The following SKAP2 variants were observed in gnomAD, a reference collection of about 807,000 sequenced individuals.
SKAP2 encodes src kinase-associated phosphoprotein 2.
A neutral mutation model predicts 54.9 loss-of-function variants in SKAP2; 28 were observed. That is an observed-to-expected ratio of 0.51 (90% confidence interval 0.38 to 0.70). The LOEUF (loss-of-function observed/expected upper bound fraction) is 0.70. Ranked by LOEUF, SKAP2 falls within the 30% of genes least tolerant of loss-of-function variation. SKAP2 has a pLI of 0.00. For synonymous variants in SKAP2, 137 were observed against 134.3 expected (o/e 1.02, Z -0.14); for missense variants, 356 against 424.1 (o/e 0.84, Z 1.41).
At chr7:26,764,945 G>A (rs1221217928) in intron 4 of SKAP2, among the ~76,000 whole-genome samples, 2 of 152,184 alleles carry the variant, frequency 1.3e-5, no homozygotes, top group Non-Finnish European at 2.9e-5. Context: ...AAACATACAT[G>A]TGCATGTGTC....
chr7:26,850,059 A>T (rs1785007159), intron 3 of SKAP2, among the ~76,000 whole-genome samples: 1 of 152,196 alleles, frequency 6.6e-6, no homozygotes, highest in African/African-American at 2.4e-5. Flanking sequence ...TATATACAGT[A>T]TTAGAAAATT....
chr7:26,857,310 TAAAAAA>T (rs59046895), intron 1 of SKAP2: 17 of 91,214 alleles, frequency 1.9e-4, no homozygotes, highest in South Asian at 1.2e-3. Flanking sequence ...CTGCTTTGCT[TAAAAAA>T]AAAAAAAAAA....
intron 3 of SKAP2, among the ~76,000 whole-genome samples, chr7:26,847,049 T>C (rs1784937998): frequency 6.6e-6 from 1 of 152,104 alleles, no homozygotes; most frequent in Non-Finnish European, 1.5e-5. Flanking sequence ...TGAAATTGTC[T>C]TCAACTTACC....
intron 11 of SKAP2, among the ~76,000 whole-genome samples, chr7:26,674,994 A>C (rs141060838): frequency 6.6e-6 from 1 of 152,162 alleles, no homozygotes; most frequent in Non-Finnish European, 1.5e-5. Context: ...TTTGGTATTC[A>C]GTGTATGGTA....
intron 4 of SKAP2, among the ~76,000 whole-genome samples, chr7:26,797,965 T>C (rs1247107985): frequency 6.6e-6 from 1 of 150,830 alleles, no homozygotes; most frequent in African/African-American, 2.4e-5. Context: ...AAGAAAGAAT[T>C]AGTGAGCTTG....
At chr7:26,672,194 C>T (rs1786257871) in intron 11 of SKAP2, among the ~76,000 whole-genome samples, 1 of 152,014 alleles carries the variant, frequency 6.6e-6, no homozygotes, top group South Asian at 2.1e-4. Flanking sequence ...ATTCAAATTA[C>T]AAGACAGAAA....
chr7:26,749,509 G>A (rs1037947693), intron 4 of SKAP2, among the ~76,000 whole-genome samples: 1 of 152,022 alleles, frequency 6.6e-6, no homozygotes, highest in African/African-American at 2.4e-5. Flanking sequence ...AGCACTTTGG[G>A]AGGCTGAGGC....
intron 4 of SKAP2, among the ~76,000 whole-genome samples, chr7:26,841,040 G>A (rs1231834850): frequency 6.6e-6 from 1 of 151,898 alleles, no homozygotes; most frequent in African/African-American, 2.4e-5. Flanking sequence ...AATCAATAAG[G>A]TACTTTTTTC....
chr7:26,792,821 G>C (rs1783698352), intron 4 of SKAP2, among the ~76,000 whole-genome samples: 1 of 152,116 alleles, frequency 6.6e-6, no homozygotes, highest in South Asian at 2.1e-4. Context: ...TAACTAAAAG[G>C]ATCTTTTACA....
In SKAP2 at chr7:26,864,578, C is replaced by T; in HGVS notation, c.-149G>A. ...CGGGACACTGCCGGGCCGGGGCTCA[C>T]AACAAGGAAGTCACTGAATCTCCAG... On this transcript the variant is annotated 5_prime_UTR_variant, in exon 1 of 13. The change creates a new upstream start codon in the 5' untranslated region. Transcript: ENST00000345317. The T allele has an allele frequency of 7.1e-7, 1 of 1,413,998 alleles. No individual in the cohort carries two copies. Among genetic ancestry groups the T allele is most frequent in the Non-Finnish European group, 9.2e-7 (1 of 1,085,440 alleles). 87.6% of individuals were successfully genotyped at this position (1,413,998 alleles called of 1,614,324 possible).
intron 3 of SKAP2, among the ~76,000 whole-genome samples, chr7:26,850,150 C>T (rs1375568886): frequency 6.6e-6 from 1 of 152,148 alleles, no homozygotes; most frequent in Non-Finnish European, 1.5e-5. Flanking sequence ...ACTAAGAGAC[C>T]TATGACCTTG....
At chr7:26,829,273 T>C (rs1387902627) in intron 4 of SKAP2, among the ~76,000 whole-genome samples, 2 of 152,124 alleles carry the variant, frequency 1.3e-5, no homozygotes, top group Non-Finnish European at 2.9e-5. Flanking sequence ...CTCAACACTT[T>C]GGGAGGCTCA....
At chr7:26,661,417 C>A in the SKAP2 span, among the ~76,000 whole-genome samples, 1 of 152,096 alleles carries the variant, frequency 6.6e-6, no homozygotes, top group East Asian at 1.9e-4. Flanking sequence ...AAGGATTAGA[C>A]AATGGGCAAA....
intron 4 of SKAP2, among the ~76,000 whole-genome samples, chr7:26,762,446 G>A (rs1782952902): frequency 6.6e-6 from 1 of 152,016 alleles, no homozygotes; most frequent in Non-Finnish European, 1.5e-5. Flanking sequence ...ACATACACGT[G>A]TATGTAAAAT....
At chr7:26,660,663 G>A in the SKAP2 span, among the ~76,000 whole-genome samples, 1 of 152,070 alleles carries the variant, frequency 6.6e-6, no homozygotes, top group East Asian at 1.9e-4. Context: ...CTTTATCAAA[G>A]AGTATGTAAT....
chr7:26,833,397 C>CAA (rs1218013639), intron 4 of SKAP2, among the ~76,000 whole-genome samples: 3 of 85,144 alleles, frequency 3.5e-5, no homozygotes, highest in African/African-American at 4.6e-5. Flanking sequence ...GACTCCGTCT[C>CAA]AAAAAAAAAA....
intron 4 of SKAP2, among the ~76,000 whole-genome samples, chr7:26,801,150 C>G (rs1448462855): frequency 6.6e-6 from 1 of 152,134 alleles, no homozygotes; most frequent in Non-Finnish European, 1.5e-5. Context: ...TTAGACAGAT[C>G]ATTCATCATG....
Position 26,749,745 on chromosome 7 carries a change from CAATAATAATAATAATAAT to C in SKAP2, c.308-9799_308-9782del, listed in dbSNP as rs68049436. On this transcript the variant is annotated intron_variant, in intron 4 of 12. Transcript: ENST00000345317. Reference sequence around the variant, plus strand: ...AGTGAGACCCTGTCTCAAATAATAACAATAATAATAATAATAATAATAATAATAATAATAATAATAGGT... The same window carrying C: ...AGTGAGACCCTGTCTCAAATAATAACAATAATAATAATAATAATAATAGGT... 1.7e-4 allele frequency among the ~76,000 whole-genome samples: 25 copies of C among 144,752 alleles called. No individual in the cohort carries two copies. In the South Asian group the frequency reaches 1.8e-3, roughly 10 times the overall value. The allele number at this position is 144,752 out of a possible 152,430, so 95.0% of individuals were successfully genotyped here. A position where few individuals can be genotyped will look rare whatever the true frequency, so the allele number is the denominator to read the frequency against.
At chr7:26,730,901 A>G (rs1339780516) in intron 6 of SKAP2, among the ~76,000 whole-genome samples, 1 of 152,164 alleles carries the variant, frequency 6.6e-6, no homozygotes, top group African/African-American at 2.4e-5. Context: ...ACTCACATTT[A>G]CTGAGCTTCT....
Sources: gnomAD v4.1 joint callset for allele counts (sites outside exome capture counted in the v4.1 genomes callset) on GRCh38, gnomAD v4.1.1 for gene constraint, MANE v1.5 for transcripts, NCBI Gene and HGNC (gene_info 2026-07-23, HGNC 2026-07-21) for gene names.